The following APOL6 variants were observed in gnomAD, a reference collection of about 807,000 sequenced individuals.
APOL6 encodes the protein apolipoprotein L, 6.
A neutral mutation model predicts 2.4 loss-of-function variants in APOL6; 1 was observed. The observed-to-expected ratio is 0.41, with a 90% CI of 0.15 to 1.94. APOL6 has a LOEUF of 1.94. Ranked by LOEUF, APOL6 falls within the 30% of genes most tolerant of loss-of-function variation. APOL6 has a pLI of 0.30. For missense variants in APOL6, 438 were observed against 429.2 expected (o/e 1.02, Z -0.18); for synonymous variants, 189 against 169.3 (o/e 1.12, Z -0.90).
intron 1 of APOL6, among the ~76,000 whole-genome samples, chr22:35,655,081 A>T (rs1924809104): frequency 1.3e-5 from 2 of 152,038 alleles, no homozygotes; most frequent in Non-Finnish European, 2.9e-5. Context: ...TTTTTTCTTC[A>T]TCTTGTCCCT....
At chr22:35,656,595 A>C in intron 2 of APOL6, 120 bp downstream of exon 2, 1 of 1,159,760 alleles carries the variant, frequency 8.6e-7, no homozygotes, top group Non-Finnish European at 1.3e-6. Context: ...GCCTTATCTT[A>C]CCGCTGGTCT....
At position 35,659,686 on chromosome 22, in the gene APOL6, C is replaced by G; in HGVS notation, c.*90C>G. ...GATGAGGGTGCCTGTCCTGGACAGA[C>G]CTCGGCATGCCTTCTGTTTCTCCTT... On this transcript the variant is annotated 3_prime_UTR_variant, in exon 3 of 3. Coordinates refer to ENST00000409652, the MANE Select transcript of APOL6 (RefSeq NM_030641.4). The G allele has an allele frequency of 2.1e-6, 3 of 1,454,758 alleles. No individual in the cohort carries two copies. The South Asian group carries it at 4.2e-5, about 20-fold the overall frequency. 90.1% of individuals were successfully genotyped at this position (1,454,758 alleles called of 1,614,324 possible).
chr22:35,653,991 T>G (rs981955377), intron 1 of APOL6, among the ~76,000 whole-genome samples: 1 of 152,188 alleles, frequency 6.6e-6, no homozygotes, highest in Non-Finnish European at 1.5e-5. Context: ...TAGAACAGCT[T>G]GCAAAACTCA....
chr22:35,656,313 C>A, intron 1 of APOL6, 66 bp from the exon 2 acceptor site: 1 of 1,264,252 alleles, frequency 7.9e-7, no homozygotes, highest in East Asian at 2.3e-5. Flanking sequence ...AAAATCCCTC[C>A]ACACCTGAAT....
intron 1 of APOL6, among the ~76,000 whole-genome samples, chr22:35,651,557 C>A (rs1211742959): frequency 6.6e-6 from 1 of 152,122 alleles, no homozygotes; most frequent in Non-Finnish European, 1.5e-5. Context: ...CTCCCCCCAC[C>A]CCACAACAGG....
Position 35,658,820 on chromosome 22 carries a change from G to A in APOL6, c.256G>A (p.Val86Ile). 1.2e-6 allele frequency: 2 copies of A among 1,614,168 alleles called. No homozygotes were observed. Among genetic ancestry groups the A allele is most frequent in the Non-Finnish European group, 1.7e-6 (2 of 1,180,024 alleles). The change falls in exon 3 of 3, where the codon GTC (valine) becomes ATC (isoleucine). Residue 86 changes from valine (V) to isoleucine (I), a missense_variant. Physicochemically the swap from Val to Ile is conservative, Grantham distance 29. Coordinates refer to ENST00000409652, the MANE Select transcript of APOL6 (RefSeq NM_030641.4). ...KANMVATSTA[V>I]ISGVMSLLGL... ...TAACATGGTGGCCACCTCTACTGCT[G>A]TCATCTCTGGAGTGATGAGCCTCCT...
intron 2 of APOL6, among the ~76,000 whole-genome samples, chr22:35,658,153 A>G (rs996775064): frequency 2.0e-5 from 3 of 151,730 alleles, no homozygotes; most frequent in Non-Finnish European, 2.9e-5. Flanking sequence ...CCACCCTCCT[A>G]CTCACTTCTA....
intron 1 of APOL6, among the ~76,000 whole-genome samples, chr22:35,651,711 T>C (rs919708060): frequency 6.6e-6 from 1 of 152,336 alleles, no homozygotes; most frequent in South Asian, 2.1e-4. Context: ...TCCATGTCCC[T>C]ACAAAGGACA....
intron 1 of APOL6, among the ~76,000 whole-genome samples, chr22:35,650,800 C>T (rs60545344): frequency 0.077 from 11,770 of 151,882 alleles, 966 homozygotes; most frequent in African/African-American, 0.2. Context: ...TGTGTTAGTA[C>T]GTGCCTGTAA....
intron 1 of APOL6, among the ~76,000 whole-genome samples, chr22:35,651,643 C>T (rs1028414801): frequency 7.2e-5 from 11 of 151,884 alleles, no homozygotes; most frequent in South Asian, 2.1e-4. Context: ...TGAGAACATG[C>T]GGTGTTTGGT....
chr22:35,654,199 A>C (rs757015710), intron 1 of APOL6, among the ~76,000 whole-genome samples: 5 of 152,092 alleles, frequency 3.3e-5, no homozygotes, highest in Admixed American at 2.6e-4. Context: ...TTGGGTTTCT[A>C]TGGAGGCTTC....
chr22:35,657,409 G>A (rs568416183), intron 2 of APOL6, among the ~76,000 whole-genome samples: 8 of 152,260 alleles, frequency 5.3e-5, no homozygotes, highest in Non-Finnish European at 1.2e-4. Flanking sequence ...ACATATGCTC[G>A]ATGGTATATT....
chr22:35,656,621 A>G, intron 2 of APOL6, 146 bp downstream of exon 2: 2 of 922,874 alleles, frequency 2.2e-6, no homozygotes, highest in South Asian at 3.1e-5. Flanking sequence ...ATGCATATGA[A>G]AATCTGTTCC....
intron 1 of APOL6, among the ~76,000 whole-genome samples, chr22:35,652,829 G>A (rs983135097): frequency 8.6e-5 from 13 of 151,936 alleles, no homozygotes; most frequent in East Asian, 7.7e-4. Flanking sequence ...GTCAGGTAGC[G>A]TGATGTCTCC....
rs552737375 is a variant in APOL6, at chr22:35,663,013, A to C, written c.*3417A>C. On this transcript the variant is annotated 3_prime_UTR_variant, in exon 3 of 3. Coordinates refer to ENST00000409652, the MANE Select transcript of APOL6 (RefSeq NM_030641.4). ...TCCTGCTTTCATGATGATGGAAGGCAGGTGATGTTTTTATGGAGTTTCAGC... is the reference window on the plus strand; with the variant it reads ...TCCTGCTTTCATGATGATGGAAGGCCGGTGATGTTTTTATGGAGTTTCAGC... The C allele has an allele frequency of 6.6e-6, 1 of 152,322 alleles. No homozygotes were observed. The highest frequency in any genetic ancestry group is 1.9e-4 in the East Asian group (1 of 5,184). 9.4% of individuals were successfully genotyped at this position (152,322 alleles called of 1,614,324 possible).
At chr22:35,653,162 G>A (rs983187885) in intron 1 of APOL6, among the ~76,000 whole-genome samples, 10 of 151,738 alleles carry the variant, frequency 6.6e-5, no homozygotes, top group Non-Finnish European at 1.3e-4. Flanking sequence ...TGAAGCAATT[G>A]TGAATGGGAG....
chr22:35,659,027 G>T lies in APOL6; in HGVS notation c.463G>T (p.Glu155Ter). 1.9e-6 allele frequency: 3 copies of T among 1,613,934 alleles called. No individual in the cohort carries two copies. The highest frequency in any genetic ancestry group is 2.2e-5 in the East Asian group (1 of 44,884). ...ILPTYDQEDR[E>*]DEEEKADYVT... ...GCCCACCTACGACCAAGAGGACAGGGAGGATGAGGAAGAGAAGGCAGACTA... is the reference window on the plus strand; with the variant it reads ...GCCCACCTACGACCAAGAGGACAGGTAGGATGAGGAAGAGAAGGCAGACTA... The change falls in exon 3 of 3, where the codon GAG becomes TAG. Residue 155 changes from glutamate (E) to a stop codon, truncating the protein, a stop_gained. Coordinates refer to ENST00000409652, the MANE Select transcript of APOL6 (RefSeq NM_030641.4). LOFTEE classifies it low-confidence loss of function (END_TRUNC).
chr22:35,654,996 G>T (rs1289290694), intron 1 of APOL6, among the ~76,000 whole-genome samples: 1 of 152,048 alleles, frequency 6.6e-6, no homozygotes, highest in Admixed American at 6.6e-5. Flanking sequence ...AAAACTTACT[G>T]ACTAGTTTCT....
At chr22:35,654,565 C>T (rs1402702944) in intron 1 of APOL6, among the ~76,000 whole-genome samples, 2 of 150,480 alleles carry the variant, frequency 1.3e-5, no homozygotes, top group Non-Finnish European at 1.5e-5. Flanking sequence ...TGTATATATA[C>T]ACACACACAC....
Sources: allele counts gnomAD v4.1 joint callset (sites outside exome capture counted in the v4.1 genomes callset), GRCh38; gene constraint gnomAD v4.1.1; transcripts MANE v1.5; gene names NCBI Gene and HGNC (gene_info 2026-07-23, HGNC 2026-07-21).